CEP85L: variants seen among roughly 807,000 people sequenced by gnomAD.
CEP85L encodes the protein centrosomal protein of 85 kDa-like.
A neutral mutation model predicts 100.3 loss-of-function variants in CEP85L; 60 were observed. The ratio of observed to expected loss-of-function variants is 0.60; its 90% CI spans 0.49 to 0.74. CEP85L has a LOEUF of 0.74. Ranked by LOEUF, CEP85L falls within the 30% of genes least tolerant of loss-of-function variation. The pLI is 0.00. For missense variants in CEP85L, 973 were observed against 936.2 expected, an observed-to-expected ratio of 1.04 and a Z score of -0.51; for synonymous variants, 319 against 322.7, an observed-to-expected ratio of 0.99 and a Z score of 0.12.
chr6:118,613,686 G>A (rs570795343), intron 2 of CEP85L, among the ~76,000 whole-genome samples: 1 of 149,978 alleles, frequency 6.7e-6, no homozygotes, highest in African/African-American at 2.5e-5. Flanking sequence ...GAACCCAGGA[G>A]TTGGAGGTTG....
chr6:118,705,527 T>C (rs1234063724), intron 1 of CEP85L, among the ~76,000 whole-genome samples: 2 of 152,218 alleles, frequency 1.3e-5, no homozygotes, highest in Non-Finnish European at 1.5e-5. Flanking sequence ...CCATTAGGGA[T>C]CAAGTTAGCT....
chr6:118,591,484 G>T (rs1162566439), intron 2 of CEP85L, among the ~76,000 whole-genome samples: 1 of 152,114 alleles, frequency 6.6e-6, no homozygotes, highest in Non-Finnish European at 1.5e-5. Flanking sequence ...GCCTCTGACA[G>T]GTCACTTTCC....
At chr6:118,560,311 ATATG>A (rs1482476169) in intron 3 of CEP85L, 2 of 167,078 alleles carry the variant, frequency 1.2e-5, no homozygotes, top group East Asian at 3.8e-4. Flanking sequence ...TTTGCGTGTT[ATATG>A]TATTATACAC....
chr6:118,594,729 GC>G (rs1781371779), intron 2 of CEP85L, among the ~76,000 whole-genome samples: 1 of 151,222 alleles, frequency 6.6e-6, no homozygotes, highest in African/African-American at 2.4e-5. Context: ...GGTGGCAGGC[GC>G]CTGTAGTCCC....
At chr6:118,562,091 A>C (rs1474099498) in intron 3 of CEP85L, among the ~76,000 whole-genome samples, 2 of 152,208 alleles carry the variant, frequency 1.3e-5, no homozygotes, top group South Asian at 4.1e-4. Flanking sequence ...AAACAGGTAT[A>C]TAAAAGTCCT....
chr6:118,651,614 C>T (rs1033042772), upstream of CEP85L: 18 of 1,050,652 alleles, frequency 1.7e-5, no homozygotes, highest in Non-Finnish European at 1.9e-5. Context: ...CCGGCAGAGC[C>T]AGAGCCGGGG....
At chr6:118,538,574 T>G (rs2114864823) in intron 3 of CEP85L, among the ~76,000 whole-genome samples, 1 of 152,196 alleles carries the variant, frequency 6.6e-6, no homozygotes, top group Non-Finnish European at 1.5e-5. Context: ...CATCGGTTAG[T>G]ATTATCATGT....
At chr6:118,577,796 T>C (rs1780329640) in intron 2 of CEP85L, among the ~76,000 whole-genome samples, 1 of 152,204 alleles carries the variant, frequency 6.6e-6, no homozygotes, top group South Asian at 2.1e-4. Flanking sequence ...AGAATTCTTC[T>C]CTAGTCTCAC....
intron 2 of CEP85L, among the ~76,000 whole-genome samples, chr6:118,611,037 AAACAGAAAGGAAGC>A (rs1261512307): frequency 3.3e-5 from 5 of 152,202 alleles, no homozygotes; most frequent in African/African-American, 1.2e-4. Flanking sequence ...GAGGTTCTCT[AAACAGAAAGGAAGC>A]AATAAAAAAA....
At chr6:118,691,675 G>T (rs989555961) in intron 1 of CEP85L, among the ~76,000 whole-genome samples, 19 of 151,258 alleles carry the variant, frequency 1.3e-4, no homozygotes, top group African/African-American at 4.6e-4. Context: ...GGAGGCGGAG[G>T]TTTCAGTGAG....
At chr6:118,636,044 C>T (rs1311808387) in intron 1 of CEP85L, among the ~76,000 whole-genome samples, 1 of 152,194 alleles carries the variant, frequency 6.6e-6, no homozygotes, top group Non-Finnish European at 1.5e-5. Flanking sequence ...ACTCAATCTC[C>T]GTCTCAACTA....
chr6:118,650,195 G>A (rs755296663), intron 1 of CEP85L, among the ~76,000 whole-genome samples: 15 of 152,160 alleles, frequency 9.9e-5, no homozygotes, highest in African/African-American at 3.4e-4. Context: ...AGCTAAAATT[G>A]TAGGGAAAAT....
At chr6:118,608,110 T>C (rs1171042324) in intron 2 of CEP85L, among the ~76,000 whole-genome samples, 2 of 152,208 alleles carry the variant, frequency 1.3e-5, no homozygotes, top group Non-Finnish European at 2.9e-5. Flanking sequence ...TCAATTATAT[T>C]ACAAATATTT....
intron 3 of CEP85L, among the ~76,000 whole-genome samples, chr6:118,538,912 GA>G (rs11349682): frequency 0.056 from 8,481 of 151,234 alleles, 522 homozygotes; most frequent in African/African-American, 0.15. Flanking sequence ...AATAAAAATG[GA>G]AAAAAAATTA....
chr6:118,690,613 T>G (rs184254089), intron 1 of CEP85L, among the ~76,000 whole-genome samples: 1 of 152,364 alleles, frequency 6.6e-6, no homozygotes, highest in East Asian at 1.9e-4. Context: ...TTCTTTTCAT[T>G]GGGATTGCTC....
chr6:118,699,454 C>CAA (rs34344065), intron 1 of CEP85L, among the ~76,000 whole-genome samples: 4,345 of 138,586 alleles, frequency 0.031, 108 homozygotes, highest in Middle Eastern at 0.07. Flanking sequence ...GACCTTGTCT[C>CAA]AAAAAAAAAA....
intron 12 of CEP85L, among the ~76,000 whole-genome samples, chr6:118,467,125 T>C (rs920531805): frequency 2.0e-5 from 3 of 152,116 alleles, no homozygotes; most frequent in African/African-American, 7.2e-5. Flanking sequence ...TTTGAATGTG[T>C]AGAGTCTGTG....
chr6:118,619,072 TTGGAC>T (rs1462898397), intron 2 of CEP85L, among the ~76,000 whole-genome samples: 1 of 152,118 alleles, frequency 6.6e-6, no homozygotes, highest in Non-Finnish European at 1.5e-5. Flanking sequence ...CCGAGCACAA[TTGGAC>T]TGGACCCTTG....
At chr6:118,485,688 T>A (rs1381891351) in intron 6 of CEP85L, among the ~76,000 whole-genome samples, 3 of 152,186 alleles carry the variant, frequency 2.0e-5, no homozygotes, top group East Asian at 3.9e-4. Context: ...AAATCAGAAG[T>A]GGAATTTGAA....
Sources: gnomAD v4.1 joint callset for allele counts (sites outside exome capture counted in the v4.1 genomes callset) on GRCh38, gnomAD v4.1.1 for gene constraint, MANE v1.5 for transcripts, NCBI Gene and HGNC (gene_info 2026-07-23, HGNC 2026-07-21) for gene names.